ARHGEF28: variants seen among roughly 807,000 people sequenced by gnomAD.
ARHGEF28 encodes the protein Rho guanine nucleotide exchange factor 28.
In ARHGEF28, 152 loss-of-function variants were observed where a neutral mutation model predicts 206.6. The observed-to-expected ratio is 0.74, with a 90% CI of 0.64 to 0.84. The LOEUF (loss-of-function observed/expected upper bound fraction) is 0.84. Ranked by LOEUF, ARHGEF28 falls within the 40% of genes least tolerant of loss-of-function variation. ARHGEF28 has a pLI of 0.00. For missense variants in ARHGEF28, 2,028 were observed against 2,073.2 expected, an observed-to-expected ratio of 0.98 and a Z score of 0.42; for synonymous variants, 763 against 776.4, an observed-to-expected ratio of 0.98 and a Z score of 0.29.
chr5:73,885,521 G>A (rs1761223728), intron 24 of ARHGEF28, among the ~76,000 whole-genome samples: 1 of 147,826 alleles, frequency 6.8e-6, no homozygotes, highest in Admixed American at 6.8e-5. Context: ...CTGTCTCGTA[G>A]GCTGGAGTGG....
At chr5:73,777,052 C>T (rs1753582659) in intron 6 of ARHGEF28, among the ~76,000 whole-genome samples, 2 of 152,208 alleles carry the variant, frequency 1.3e-5, no homozygotes, top group South Asian at 4.1e-4. Flanking sequence ...TATCATATTG[C>T]TCAAATGTAG....
intron 2 of ARHGEF28, among the ~76,000 whole-genome samples, chr5:73,718,391 C>T (rs986551697): frequency 6.6e-6 from 1 of 152,144 alleles, no homozygotes; most frequent in Admixed American, 6.5e-5. Context: ...CTTGCATGCT[C>T]ATTTACTTAG....
chr5:73,783,319 C>A (rs1753951983), intron 7 of ARHGEF28, among the ~76,000 whole-genome samples: 1 of 150,420 alleles, frequency 6.6e-6, no homozygotes, highest in Non-Finnish European at 1.5e-5. Context: ...GGGGAAAATG[C>A]AGCTCATTTT....
chr5:73,893,850 G>A (rs2112689751), intron 28 of ARHGEF28, among the ~76,000 whole-genome samples: 1 of 152,318 alleles, frequency 6.6e-6, no homozygotes, highest in East Asian at 1.9e-4. Flanking sequence ...AGAGGGGACT[G>A]AGAATTCCTG....
intron 2 of ARHGEF28, among the ~76,000 whole-genome samples, chr5:73,731,273 G>T (rs146945550): frequency 6.6e-6 from 1 of 152,170 alleles, no homozygotes; most frequent in South Asian, 2.1e-4. Context: ...AACAAAATGC[G>T]GATCTGTGTC....
At chr5:73,833,329 T>C (rs1159076676) in intron 10 of ARHGEF28, among the ~76,000 whole-genome samples, 2 of 146,700 alleles carry the variant, frequency 1.4e-5, no homozygotes, top group African/African-American at 5.2e-5. Flanking sequence ...TTTTACCCTA[T>C]TTATAGATAT....
intron 35 of ARHGEF28, 52 bp downstream of exon 35, chr5:73,911,627 T>C (rs1762914825): frequency 1.3e-6 from 2 of 1,500,800 alleles, no homozygotes; most frequent in African/African-American, 1.4e-5. Flanking sequence ...AAGTTGTCCC[T>C]CTGAATGGTT....
chr5:73,737,467 C>CTTTTCTTTT, intron 2 of ARHGEF28, among the ~76,000 whole-genome samples: 1 of 79,442 alleles, frequency 1.3e-5, no homozygotes, highest in African/African-American at 5.9e-5. Context: ...CTTTTCTTTT[C>CTTTTCTTTT]TTTTCTTTTC....
intron 9 of ARHGEF28, among the ~76,000 whole-genome samples, chr5:73,825,652 A>G (rs923998050): frequency 1.3e-5 from 2 of 152,222 alleles, no homozygotes; most frequent in African/African-American, 4.8e-5. Context: ...GTAACAGTTT[A>G]GGAAGAAGAC....
chr5:73,720,966 A>C (rs533560236), intron 2 of ARHGEF28, among the ~76,000 whole-genome samples: 3 of 152,330 alleles, frequency 2.0e-5, no homozygotes, highest in Non-Finnish European at 1.5e-5. Flanking sequence ...TGCTTCTCAA[A>C]TTTCTTCATA....
chr5:73,748,253 C>A (rs771640448), intron 2 of ARHGEF28, among the ~76,000 whole-genome samples: 6 of 152,074 alleles, frequency 3.9e-5, no homozygotes, highest in Non-Finnish European at 2.9e-5. Context: ...TTTTTCTTGG[C>A]GTGTTGCTTT....
At chr5:73,776,744 T>C (rs1224148326) in intron 6 of ARHGEF28, 48 bp downstream of exon 6, 1 of 1,504,592 alleles carries the variant, frequency 6.6e-7, no homozygotes, top group Admixed American at 1.9e-5. Flanking sequence ...CTTCAGAGAA[T>C]GCAGGCATCA....
chr5:73,935,865 G>A (rs550996434), intron 35 of ARHGEF28, among the ~76,000 whole-genome samples: 1 of 152,302 alleles, frequency 6.6e-6, no homozygotes, highest in East Asian at 1.9e-4. Context: ...GACCTTTGAT[G>A]GGGAGGATGG....
intron 10 of ARHGEF28, among the ~76,000 whole-genome samples, chr5:73,834,785 A>T (rs1561441130): frequency 6.6e-6 from 1 of 152,170 alleles, no homozygotes; most frequent in African/African-American, 2.4e-5. Flanking sequence ...GCTTAGGAGA[A>T]ATAGGCTATA....
intron 2 of ARHGEF28, among the ~76,000 whole-genome samples, chr5:73,736,462 T>A (rs116297042): frequency 0.011 from 1,630 of 152,308 alleles, 26 homozygotes; most frequent in African/African-American, 0.033. Context: ...GATGATGGTT[T>A]CTACCTTATA....
At position 73,913,439 on chromosome 5, in the gene ARHGEF28, A is replaced by T. The variant is rs564767927; in HGVS notation, c.4948+1864A>T. The stretch of plus-strand genomic sequence containing the variant: ...AAAGTGGATTGAGAATAGGATATAT[A>T]CACTTAAAAGAGTGGTCAAGGCTAG... On this transcript the variant is annotated intron_variant, in intron 35 of 35. Coordinates refer to ENST00000513042, the MANE Select transcript of ARHGEF28 (RefSeq NM_001177693.2). Among the ~76,000 whole-genome samples the T allele has an allele frequency of 6.6e-5, 10 of 152,334 alleles. No individual in the cohort carries two copies. In the South Asian group the frequency reaches 1.9e-3, roughly 28 times the overall value.
At chr5:73,748,712 C>T (rs34513187) in intron 2 of ARHGEF28, among the ~76,000 whole-genome samples, 4 of 152,132 alleles carry the variant, frequency 2.6e-5, no homozygotes. Context: ...CACGCAGGGC[C>T]GAGCTCTGGA....
At chr5:73,909,990 G>T in intron 34 of ARHGEF28, 93 bp downstream of exon 34, 2 of 1,407,228 alleles carry the variant, frequency 1.4e-6, no homozygotes, top group Non-Finnish European at 1.8e-6. Flanking sequence ...CTGTCATTTT[G>T]GATTTGTGTA....
chr5:73,894,488 G>C lies in ARHGEF28; in HGVS notation c.3754G>C (p.Val1252Leu), dbSNP rs571682255. ...TGGAGAACTGAGCGGATTTGAGGAC[G>C]TCCATCTAGAGCCCCACCTCCTTAT... ...ELGELSGFED[V>L]HLEPHLLIKP... Residue 1252 changes from valine (V) to leucine (L), a missense_variant, in exon 29 of 36, where the codon GTC (valine) becomes CTC (leucine). Physicochemically the swap from Val to Leu is conservative, Grantham distance 32. Around this residue, in one of 3 missense-constraint regions of ARHGEF28, gnomAD observed 803 missense variants for 768.0 expected, o/e 1.05. Coordinates refer to ENST00000513042, the MANE Select transcript of ARHGEF28 (RefSeq NM_001177693.2). 4 of 1,613,808 alleles carry C rather than the reference G, an allele frequency of 2.5e-6. No individual in the cohort carries two copies. The African/African-American group carries it at 4.0e-5, about 16-fold the overall frequency.
Sources: gnomAD v4.1 joint callset for allele counts (sites outside exome capture counted in the v4.1 genomes callset) on GRCh38, gnomAD v4.1.1 for gene constraint, gnomAD v4.1.1 regional missense constraint, MANE v1.5 for transcripts, NCBI Gene and HGNC (gene_info 2026-07-23, HGNC 2026-07-21) for gene names.